STOX2: variants seen among roughly 807,000 people sequenced by gnomAD.
STOX2 encodes the protein storkhead-box protein 2.
STOX2 carries 28 observed loss-of-function variants against 60.9 expected under a neutral mutation model. The observed-to-expected ratio is 0.46, with a 90% confidence interval of 0.34 to 0.63. The LOEUF (loss-of-function observed/expected upper bound fraction) is 0.63, where lower values mean the gene tolerates loss of function less well. Ranked by LOEUF, STOX2 falls within the 30% of genes least tolerant of loss-of-function variation. The pLI, the probability that STOX2 is intolerant of heterozygous loss-of-function variation, is 0.01. For synonymous variants in STOX2, 472 were observed against 463.9 expected (o/e 1.02, Z -0.22); for missense variants, 1,024 against 1,187.7 (o/e 0.86, Z 2.03).
chr4:183,818,722 G>A (rs1010071475), intron 1 of STOX2, among the ~76,000 whole-genome samples: 6 of 151,062 alleles, frequency 4.0e-5, no homozygotes, highest in Non-Finnish European at 7.4e-5. Context: ...GCTGGGCGGG[G>A]GCTGACTCCC....
At chr4:183,952,793 A>G (rs532285379) in intron 1 of STOX2, among the ~76,000 whole-genome samples, 1 of 152,214 alleles carries the variant, frequency 6.6e-6, no homozygotes, top group Non-Finnish European at 1.5e-5. Flanking sequence ...ACATATGCTC[A>G]TGAGTGGTGA....
At chr4:183,911,422 A>G (rs570833397) in intron 1 of STOX2, among the ~76,000 whole-genome samples, 1 of 152,232 alleles carries the variant, frequency 6.6e-6, no homozygotes, top group East Asian at 1.9e-4. Context: ...TTTTCAGCCT[A>G]GCCGCTCCAA....
At chr4:183,912,033 T>A (rs147116109) in intron 1 of STOX2, among the ~76,000 whole-genome samples, 40 of 152,312 alleles carry the variant, frequency 2.6e-4, no homozygotes, top group African/African-American at 8.9e-4. Flanking sequence ...AGGCTAGTCT[T>A]CTTTAACATC....
chr4:183,868,726 T>G (rs1013440366), intron 1 of STOX2, among the ~76,000 whole-genome samples: 1 of 152,210 alleles, frequency 6.6e-6, no homozygotes, highest in Admixed American at 6.5e-5. Flanking sequence ...AATTCAAGAC[T>G]TCATGGAATG....
chr4:183,947,561 CA>C (rs1449643284), intron 1 of STOX2, among the ~76,000 whole-genome samples: 1 of 152,168 alleles, frequency 6.6e-6, no homozygotes, highest in Non-Finnish European at 1.5e-5. Flanking sequence ...CTGGAAAAAG[CA>C]AATCATAGTA....
At chr4:183,980,670 G>A (rs531318763) in intron 1 of STOX2, among the ~76,000 whole-genome samples, 1 of 150,402 alleles carries the variant, frequency 6.6e-6, no homozygotes, top group South Asian at 2.1e-4. Context: ...ACTTAGTTTG[G>A]AGCGAATTTT....
intron 1 of STOX2, among the ~76,000 whole-genome samples, chr4:183,881,240 C>A (rs1294226995): frequency 1.8e-5 from 2 of 108,796 alleles, no homozygotes; most frequent in African/African-American, 5.8e-5. Context: ...CAGTGGCTCA[C>A]ACCTATAATT....
upstream of STOX2, among the ~76,000 whole-genome samples, chr4:183,902,052 AT>A (rs1374109213): frequency 6.6e-6 from 1 of 152,134 alleles, no homozygotes; most frequent in Non-Finnish European, 1.5e-5. Flanking sequence ...TTCAACCCAA[AT>A]TTTCCCCAGT....
In STOX2 at chr4:183,865,320, C is replaced by T. The variant is rs1398457189; in HGVS notation, c.364+67265C>T. Among the ~76,000 whole-genome samples, 4 of 152,060 alleles carry T rather than the reference C, an allele frequency of 2.6e-5. No individual in the cohort carries two copies. The highest frequency in any genetic ancestry group is 9.7e-5 in the African/African-American group (4 of 41,402). On this transcript the variant is annotated intron_variant, in intron 1 of 2. Transcript: ENST00000513034. The surrounding 1 kb of genome is among the most constrained non-coding windows in gnomAD (Gnocchi z 4.1). The stretch of plus-strand genomic sequence containing the variant: ...TCTTAGATACTCGGTTTTAAAGTGA[C>T]TGGGGTGGGTGGGATTGCTGTTTTA...
chr4:184,009,929 G>C lies in STOX2; in HGVS notation c.1091G>C (p.Arg364Pro), dbSNP rs1246197618. Reference sequence around the variant, plus strand: ...AGGAGTAAAAAGAGTAGGACTCATCGGAAGTCCCATGGAAAGTCTCGGTCT... The same window carrying C: ...AGGAGTAAAAAGAGTAGGACTCATCCGAAGTCCCATGGAAAGTCTCGGTCT... ...SGRSKKSRTH[R>P]KSHGKSRSHS... The change falls in exon 3 of 4, where the codon CGG becomes CCG. Residue 364 changes from arginine (R) to proline (P), a missense_variant. By Grantham distance (103) the Arg-to-Pro change is moderately radical. Coordinates refer to ENST00000308497, the MANE Select transcript of STOX2 (RefSeq NM_020225.3). The surrounding 1 kb of genome is among the most constrained non-coding windows in gnomAD (Gnocchi z 4.0). The C allele has an allele frequency of 6.2e-7, 1 of 1,613,162 alleles. No individual in the cohort carries two copies. Among genetic ancestry groups the C allele is most frequent in the African/African-American group, 1.3e-5 (1 of 75,018 alleles).
chr4:183,902,581 C>T (rs1222090603), upstream of STOX2, among the ~76,000 whole-genome samples: 1 of 152,016 alleles, frequency 6.6e-6, no homozygotes, highest in Non-Finnish European at 1.5e-5. Context: ...GAAACTGGGC[C>T]CAGGGACATA....
intron 1 of STOX2, among the ~76,000 whole-genome samples, chr4:183,956,590 G>A (rs1743258457): frequency 1.3e-5 from 2 of 152,014 alleles, no homozygotes; most frequent in Admixed American, 1.3e-4. Context: ...CCAAGAGCAA[G>A]GACATTCTCT....
intron 1 of STOX2, among the ~76,000 whole-genome samples, chr4:183,855,182 G>T (rs930168418): frequency 2.0e-5 from 3 of 152,196 alleles, no homozygotes; most frequent in African/African-American, 7.2e-5. Flanking sequence ...GAAATCACAC[G>T]CATTACTTTG....
At chr4:183,842,489 T>A (rs1241157073) in intron 1 of STOX2, among the ~76,000 whole-genome samples, 1 of 152,194 alleles carries the variant, frequency 6.6e-6, no homozygotes. Context: ...TTGATTTCGC[T>A]AACCCCAGGA....
chr4:184,021,004 C>T lies in STOX2; in HGVS notation c.*3720C>T, dbSNP rs934685527. On this transcript the variant is annotated 3_prime_UTR_variant, in exon 4 of 4. Transcript: ENST00000308497. ...TTGCAAAACTCTACCCAGGATAAAC[C>T]ACTTATCACCACCAAGTGTACTTGA... The T allele has an allele frequency of 9.2e-5, 14 of 152,184 alleles. No homozygotes were observed. The highest frequency in any genetic ancestry group is 2.6e-4 in the Admixed American group (4 of 15,284). The allele number at this position is 152,184 out of a possible 1,614,324, so 9.4% of individuals were successfully genotyped here. A position where few individuals can be genotyped will look rare whatever the true frequency, so the allele number is the denominator to read the frequency against.
chr4:183,939,194 G>A (rs908443437), intron 1 of STOX2, among the ~76,000 whole-genome samples: 6 of 152,164 alleles, frequency 3.9e-5, no homozygotes, highest in African/African-American at 4.8e-5. Context: ...GCACACACTG[G>A]GTGGCTAACA....
chr4:183,967,171 C>T (rs1328230188), intron 1 of STOX2, among the ~76,000 whole-genome samples: 4 of 151,872 alleles, frequency 2.6e-5, no homozygotes, highest in South Asian at 2.1e-4. Context: ...AAGACCAGCC[C>T]GACCAACACG....
chr4:183,906,787 C>G lies in STOX2; in HGVS notation c.-4C>G. On this transcript the variant is annotated 5_prime_UTR_variant, in exon 1 of 4. Coordinates refer to ENST00000308497, the MANE Select transcript of STOX2 (RefSeq NM_020225.3). The stretch of plus-strand genomic sequence containing the variant: ...GATCGGGGCGGCAGGTCGCCCTCCC[C>G]ACCATGAAGAAGACCCGGAGCACAA... 2 of 1,527,044 alleles carry G rather than the reference C, an allele frequency of 1.3e-6. No homozygotes were observed. The highest frequency in any genetic ancestry group is 1.8e-6 in the Non-Finnish European group (2 of 1,132,586). 94.6% of individuals were successfully genotyped at this position (1,527,044 alleles called of 1,614,324 possible). A position where few individuals can be genotyped will look rare whatever the true frequency, so the allele number is the denominator to read the frequency against.
intron 1 of STOX2, among the ~76,000 whole-genome samples, chr4:183,981,513 T>G (rs572151990): frequency 1.3e-5 from 2 of 152,232 alleles, no homozygotes; most frequent in Admixed American, 1.3e-4. Flanking sequence ...AATAAAATTG[T>G]AATGGAGAAG....
Sources: allele counts gnomAD v4.1 joint callset (sites outside exome capture counted in the v4.1 genomes callset), GRCh38; gene constraint gnomAD v4.1.1; non-coding constraint Gnocchi (gnomAD v3.1); transcripts MANE v1.5; gene names NCBI Gene and HGNC (gene_info 2026-07-23, HGNC 2026-07-21).